The following RNF144A variants were observed in gnomAD, a reference collection of about 807,000 sequenced individuals.
RNF144A encodes E3 ubiquitin-protein ligase RNF144A.
In RNF144A, 11 loss-of-function variants were observed where a neutral mutation model predicts 38.7. The observed-to-expected ratio is 0.28, with a 90% CI of 0.18 to 0.47. The LOEUF is 0.47. RNF144A is among the 20% of genes least tolerant of loss of function. RNF144A has a pLI of 0.99. For missense variants in RNF144A, 316 were observed against 377.2 expected (o/e 0.84, Z 1.34); for synonymous variants, 149 against 143.9 (o/e 1.04, Z -0.25).
At chr2:7,029,882 C>T (rs1672163555) in intron 7 of RNF144A, among the ~76,000 whole-genome samples, 2 of 152,246 alleles carry the variant, frequency 1.3e-5, no homozygotes, top group Admixed American at 6.5e-5. Context: ...CCAAAGCTCC[C>T]TCTAGAGCCC....
chr2:7,050,131 G>T (rs1673459153), intron 6 of RNF144A, among the ~76,000 whole-genome samples: 1 of 152,132 alleles, frequency 6.6e-6, no homozygotes, highest in Non-Finnish European at 1.5e-5. Flanking sequence ...CTCAGTTCGG[G>T]TCCTGATATG....
rs66717194 is a variant in RNF144A at position 7,017,302 on chromosome 2, G to GTT, written c.301+2540_301+2541dup. On this transcript the variant is annotated intron_variant, in intron 5 of 8. Transcript: ENST00000320892. ...TGATGTCAGATGTCAACCGTGTATT[G>GTT]TTTTTTTTTTTGTTCTTTGTTTTTT... Among the ~76,000 whole-genome samples the GTT allele has an allele frequency of 1.0e-3, 139 of 139,454 alleles. 1 individual carries two copies. The highest frequency in any genetic ancestry group is 2.0e-3 in the South Asian group (9 of 4,398). 91.5% of individuals were successfully genotyped at this position (139,454 alleles called of 152,430 possible).
intron 2 of RNF144A, among the ~76,000 whole-genome samples, chr2:6,950,442 A>G (rs973413107): frequency 5.9e-5 from 9 of 152,072 alleles, no homozygotes; most frequent in African/African-American, 2.2e-4. Context: ...CTGCCATTGG[A>G]TGTTTGGGTT....
At chr2:6,967,338 G>A (rs77371076) in intron 2 of RNF144A, among the ~76,000 whole-genome samples, 4,560 of 152,336 alleles carry the variant, frequency 0.03, 70 homozygotes, top group Non-Finnish European at 0.038. Flanking sequence ...TTCGTTTGTC[G>A]TCTGCTACAG....
chr2:7,049,386 G>A (rs761318401), intron 6 of RNF144A, among the ~76,000 whole-genome samples: 1 of 152,180 alleles, frequency 6.6e-6, no homozygotes, highest in East Asian at 1.9e-4. Flanking sequence ...TTGATCAATG[G>A]TAAGGCAATG....
chr2:6,926,820 T>C (rs1430498165), intron 1 of RNF144A, among the ~76,000 whole-genome samples: 1 of 152,260 alleles, frequency 6.6e-6, no homozygotes, highest in African/African-American at 2.4e-5. Context: ...GTTGTTTATT[T>C]ACTTTTGTTC....
intron 6 of RNF144A, among the ~76,000 whole-genome samples, chr2:7,021,502 G>A (rs1005765246): frequency 1.3e-5 from 2 of 152,090 alleles, no homozygotes; most frequent in South Asian, 2.1e-4. Context: ...CCTTCCGGGC[G>A]AACCTCTCTT....
intron 1 of RNF144A, among the ~76,000 whole-genome samples, chr2:6,933,673 G>GTTTT (rs146567195): frequency 1.3e-5 from 2 of 149,198 alleles, no homozygotes; most frequent in Admixed American, 6.7e-5. Flanking sequence ...TTGCCCACAG[G>GTTTT]TTTTTTTTTT....
chr2:6,975,946 A>G (rs4669123), intron 2 of RNF144A, among the ~76,000 whole-genome samples: 71,281 of 152,200 alleles, frequency 0.47, 17,353 homozygotes, highest in Non-Finnish European at 0.55. Flanking sequence ...CACATTTTGC[A>G]GATCTTTCCA....
chr2:7,039,852 C>G lies in RNF144A; in HGVS notation c.*92C>G, dbSNP rs548660723. 2.3e-4 allele frequency: 350 copies of G among 1,533,008 alleles called. No individual in the cohort carries two copies. Among genetic ancestry groups the G allele is most frequent in the Non-Finnish European group, 3.0e-4 (345 of 1,137,414 alleles). The allele number at this position is 1,533,008 out of a possible 1,614,324, so 95.0% of individuals were successfully genotyped here. A position where few individuals can be genotyped will look rare whatever the true frequency, so the allele number is the denominator to read the frequency against. On this transcript the variant is annotated 3_prime_UTR_variant, in exon 9 of 9. Transcript: ENST00000320892. ...CGTCCCCCCTTCACTAAACATCTTTCTTGCCTTATGTGCCCCATTGAGCTT... is the reference window on the plus strand; with the variant it reads ...CGTCCCCCCTTCACTAAACATCTTTGTTGCCTTATGTGCCCCATTGAGCTT...
intron 6 of RNF144A, among the ~76,000 whole-genome samples, chr2:7,064,371 A>G (rs934263384): frequency 6.6e-6 from 1 of 152,234 alleles, no homozygotes; most frequent in African/African-American, 2.4e-5. Flanking sequence ...TAAAAAAATA[A>G]GGTGAAAGAG....
At chr2:6,949,601 C>G (rs1179285514) in intron 2 of RNF144A, among the ~76,000 whole-genome samples, 1 of 152,182 alleles carries the variant, frequency 6.6e-6, no homozygotes, top group Non-Finnish European at 1.5e-5. Context: ...CGAGCTGAGT[C>G]TCTGGTCGAA....
At chr2:6,938,820 T>A (rs972141205) in intron 1 of RNF144A, among the ~76,000 whole-genome samples, 5 of 152,200 alleles carry the variant, frequency 3.3e-5, no homozygotes, top group Admixed American at 1.3e-4. Context: ...ATGTGAGTGG[T>A]TTCATATAAT....
rs1434019418 is a variant in RNF144A at position 6,997,028 on chromosome 2, C to T, written c.102C>T (p.Thr34=). ...LGEYPVEQMT[T]IAQCQCIFCT... ...AGTACCCAGTGGAGCAGATGACAAC[C>T]ATAGCCCAGTGCCAATGCATCTTCT... Residue 34 remains threonine, a synonymous_variant, in exon 3 of 9, where the codon ACC becomes ACT. Transcript: ENST00000320892. 5 of 1,614,084 alleles carry T rather than the reference C, an allele frequency of 3.1e-6. No homozygotes were observed. Among genetic ancestry groups the T allele is most frequent in the Non-Finnish European group, 4.2e-6 (5 of 1,180,010 alleles).
At position 7,020,653 on chromosome 2, in the gene RNF144A, C is replaced by T. The variant is rs765223317; in HGVS notation, c.482C>T (p.Pro161Leu). The T allele has an allele frequency of 1.7e-5, 28 of 1,605,382 alleles. No homozygotes were observed. The highest frequency in any genetic ancestry group is 4.5e-5 in the East Asian group (2 of 44,880). Residue 161 changes from proline to leucine, a missense_variant, in exon 6 of 9, where the codon CCG becomes CTG. Coordinates refer to ENST00000320892, the MANE Select transcript of RNF144A (RefSeq NM_014746.6). The stretch of plus-strand genomic sequence containing the variant: ...GGCCAGGGCTGCCCGGAGACCATGC[C>T]GATCACCTTCCTCCCCGGGGAGACC... ...HPGQGCPETM[P>L]ITFLPGETSA...
chr2:6,969,979 C>G (rs1203961193), intron 2 of RNF144A, among the ~76,000 whole-genome samples: 1 of 152,188 alleles, frequency 6.6e-6, no homozygotes, highest in Non-Finnish European at 1.5e-5. Flanking sequence ...CCAGGATGGT[C>G]TCGATCTCCT....
intron 8 of RNF144A, among the ~76,000 whole-genome samples, chr2:7,037,290 A>G (rs1257904133): frequency 6.6e-6 from 1 of 152,212 alleles, no homozygotes; most frequent in Admixed American, 6.5e-5. Context: ...GACGAGGTAG[A>G]CTGAGTGAAA....
At chr2:7,030,007 C>A in intron 7 of RNF144A, 119 bp from the exon 8 acceptor site, 1 of 744,264 alleles carries the variant, frequency 1.3e-6, no homozygotes, top group Non-Finnish European at 2.3e-6. Flanking sequence ...CCCTGTGTCA[C>A]CTCCCTCATG....
At chr2:6,988,305 A>G (rs1367125846) in intron 2 of RNF144A, among the ~76,000 whole-genome samples, 6 of 152,190 alleles carry the variant, frequency 3.9e-5, no homozygotes, top group African/African-American at 1.4e-4. Flanking sequence ...CATGCTTATC[A>G]ACTCAGGAAC....
Sources: gnomAD v4.1 joint callset for allele counts (sites outside exome capture counted in the v4.1 genomes callset) on GRCh38, gnomAD v4.1.1 for gene constraint, MANE v1.5 for transcripts, NCBI Gene and HGNC (gene_info 2026-07-23, HGNC 2026-07-21) for gene names.